The following LHPP variants were observed in gnomAD, a reference collection of about 807,000 sequenced individuals.
The protein encoded by LHPP is hLHPP.
A neutral mutation model predicts 30.3 loss-of-function variants in LHPP; 24 were observed. The ratio of observed to expected loss-of-function variants is 0.79; its 90% CI spans 0.57 to 1.11. LHPP has a LOEUF of 1.11. Among genes scored for constraint, LHPP ranks in the 50% most tolerant of loss-of-function variants. The pLI is 0.00. For synonymous variants in LHPP, 150 were observed against 157.1 expected (o/e 0.95, Z 0.34); for missense variants, 356 against 367.2 (o/e 0.97, Z 0.25).
rs574473428 is a variant in LHPP, at chr10:124,474,693, T to C, written c.126-9446T>C. 2.0e-5 allele frequency among the ~76,000 whole-genome samples: 3 copies of C among 152,136 alleles called. No homozygotes were observed. In the South Asian group the frequency reaches 6.3e-4, roughly 32 times the overall value. On this transcript the variant is annotated intron_variant, in intron 1 of 6. Coordinates refer to ENST00000368842, the MANE Select transcript of LHPP (RefSeq NM_022126.4). ...CAGGTCCCATCTGTAAATGGAAACA[T>C]GAACCCACCTCTCAGACTGTCAAGA... is the stretch of plus-strand genomic sequence containing the variant.
intron 6 of LHPP, 142 bp from the exon 7 acceptor site, chr10:124,613,122 G>C: frequency 1.4e-6 from 1 of 700,350 alleles, no homozygotes; most frequent in Non-Finnish European, 2.6e-6. Flanking sequence ...GGGATGGCCA[G>C]TGGCCACGGG....
intron 6 of LHPP, among the ~76,000 whole-genome samples, chr10:124,604,852 G>T (rs11245311): frequency 0.12 from 18,260 of 152,274 alleles, 1,488 homozygotes; most frequent in Non-Finnish European, 0.18. Flanking sequence ...CAGCTGTTGC[G>T]GCCTCCAGTT....
intron 6 of LHPP, among the ~76,000 whole-genome samples, chr10:124,559,534 G>A (rs902984460): frequency 3.3e-5 from 5 of 152,266 alleles, no homozygotes; most frequent in South Asian, 2.1e-4. Context: ...CAAGTTGTGT[G>A]GAAATGGAGG....
intron 5 of LHPP, among the ~76,000 whole-genome samples, chr10:124,501,342 C>T (rs1003723185): frequency 2.6e-5 from 4 of 151,688 alleles, no homozygotes; most frequent in Admixed American, 1.3e-4. Flanking sequence ...CAGCTCACAC[C>T]TGTAACCACA....
At chr10:124,555,023 G>A (rs1228921316) in intron 6 of LHPP, among the ~76,000 whole-genome samples, 2 of 152,226 alleles carry the variant, frequency 1.3e-5, no homozygotes, top group East Asian at 3.8e-4. Flanking sequence ...ACTTTAGGGT[G>A]AGGAAACTGA....
intron 6 of LHPP, among the ~76,000 whole-genome samples, chr10:124,606,885 CCCCTGT>C (rs1450345020): frequency 6.6e-6 from 1 of 152,252 alleles, no homozygotes; most frequent in Non-Finnish European, 1.5e-5. Context: ...CAGGCCCCTG[CCCCTGT>C]TCCTGTGTCC....
At chr10:124,501,505 G>C (rs1953897399) in intron 5 of LHPP, among the ~76,000 whole-genome samples, 1 of 151,274 alleles carries the variant, frequency 6.6e-6, no homozygotes, top group Non-Finnish European at 1.5e-5. Context: ...GGGAGGCTGA[G>C]GTGGGAGAAT....
chr10:124,485,058 AG>A, intron 2 of LHPP, among the ~76,000 whole-genome samples: 1 of 152,258 alleles, frequency 6.6e-6, no homozygotes, highest in Non-Finnish European at 1.5e-5. Flanking sequence ...TGCTAGGCAG[AG>A]GCAAACATGG....
chr10:124,589,831 G>A (rs11595756), intron 6 of LHPP, among the ~76,000 whole-genome samples: 37,414 of 152,128 alleles, frequency 0.25, 4,862 homozygotes, highest in Non-Finnish European at 0.28. Context: ...AAGGCCCCCT[G>A]CGTGCAGCCC....
At chr10:124,548,779 C>T (rs999898643) in intron 6 of LHPP, among the ~76,000 whole-genome samples, 2 of 152,326 alleles carry the variant, frequency 1.3e-5, no homozygotes, top group South Asian at 4.1e-4. Flanking sequence ...TCTCAGTGAA[C>T]CCTGAGGCTT....
At chr10:124,527,456 G>A (rs922729857) in intron 6 of LHPP, among the ~76,000 whole-genome samples, 13 of 152,136 alleles carry the variant, frequency 8.5e-5, no homozygotes, top group African/African-American at 2.7e-4. Context: ...ATGTGAACCC[G>A]GTGTGCTCCT....
Position 124,498,820 on chromosome 10 carries a change from C to A in LHPP, c.624+692C>A, listed in dbSNP as rs568801551. ...CTTAACCCCCTTACTAACCAGGCCC[C>A]CCCCCCGCCAACCCCAACTGAGTAG... On this transcript the variant is annotated intron_variant, in intron 5 of 6. Coordinates refer to ENST00000368842, the MANE Select transcript of LHPP (RefSeq NM_022126.4). The A allele has an allele frequency of 7.9e-6, 3 of 381,156 alleles. No homozygotes were observed. In the East Asian group the frequency reaches 2.4e-4, roughly 31 times the overall value. The allele number at this position is 381,156 out of a possible 1,614,324, so 23.6% of individuals were successfully genotyped here. A position where few individuals can be genotyped will look rare whatever the true frequency, so the allele number is the denominator to read the frequency against.
chr10:124,470,236 G>C (rs903645547), intron 1 of LHPP, among the ~76,000 whole-genome samples: 4 of 152,204 alleles, frequency 2.6e-5, no homozygotes, highest in African/African-American at 9.7e-5. Flanking sequence ...CATGTGAAAG[G>C]GGGTGGGCAT....
intron 6 of LHPP, among the ~76,000 whole-genome samples, chr10:124,559,916 A>G (rs1252110430): frequency 6.6e-6 from 1 of 152,264 alleles, no homozygotes; most frequent in Non-Finnish European, 1.5e-5. Context: ...TGCTCCCTGC[A>G]ATGGTGTTGC....
At chr10:124,494,389 C>T (rs1246489215) in intron 3 of LHPP, among the ~76,000 whole-genome samples, 15 of 152,206 alleles carry the variant, frequency 9.9e-5, no homozygotes, top group South Asian at 4.1e-4. Flanking sequence ...CTGTACCTGT[C>T]GCAATGGAGT....
At chr10:124,549,455 T>C (rs1955426922) in intron 6 of LHPP, among the ~76,000 whole-genome samples, 1 of 152,050 alleles carries the variant, frequency 6.6e-6, no homozygotes, top group South Asian at 2.1e-4. Flanking sequence ...AAAAAAAGAT[T>C]TGGCCAATGA....
chr10:124,530,089 G>T (rs1954855150), intron 6 of LHPP, among the ~76,000 whole-genome samples: 1 of 152,084 alleles, frequency 6.6e-6, no homozygotes, highest in African/African-American at 2.4e-5. Context: ...CCCCAATGCG[G>T]GGAGGGAGGA....
chr10:124,501,429 C>A (rs1226574552), intron 5 of LHPP, among the ~76,000 whole-genome samples: 1 of 151,372 alleles, frequency 6.6e-6, no homozygotes, highest in Non-Finnish European at 1.5e-5. Flanking sequence ...TGGTGAAACC[C>A]CGTCTCCACT....
chr10:124,520,510 A>G (rs1359768288), intron 6 of LHPP, among the ~76,000 whole-genome samples: 1 of 152,218 alleles, frequency 6.6e-6, no homozygotes, highest in African/African-American at 2.4e-5. Context: ...ACCTGCCTCC[A>G]TTGAAGAGGA....
Sources: gnomAD v4.1 joint callset for allele counts (sites outside exome capture counted in the v4.1 genomes callset) on GRCh38, gnomAD v4.1.1 for gene constraint, MANE v1.5 for transcripts, NCBI Gene and HGNC (gene_info 2026-07-23, HGNC 2026-07-21) for gene names.